The following LDLRAD3 variants were observed in gnomAD, a reference collection of about 807,000 sequenced individuals.
LDLRAD3 encodes low density lipoprotein receptor class A domain containing 3.
A neutral mutation model predicts 29.4 loss-of-function variants in LDLRAD3; 20 were observed. That is an observed-to-expected ratio of 0.68 (90% CI 0.48 to 0.99). LDLRAD3 has a LOEUF of 0.99. Ranked by LOEUF, LDLRAD3 falls within the 50% of genes least tolerant of loss-of-function variation. LDLRAD3 has a pLI of 0.00. For synonymous variants in LDLRAD3, 157 were observed against 192.7 expected, an observed-to-expected ratio of 0.81 and a Z score of 1.53; for missense variants, 420 against 454.3, an observed-to-expected ratio of 0.92 and a Z score of 0.69.
intron 4 of LDLRAD3, among the ~76,000 whole-genome samples, chr11:36,215,546 C>T (rs1855340758): frequency 6.6e-6 from 1 of 152,152 alleles, no homozygotes; most frequent in South Asian, 2.1e-4. Context: ...TTGTGCTCCC[C>T]TTTCGGGCAT....
At chr11:36,111,390 G>T (rs557095599) in intron 4 of LDLRAD3, among the ~76,000 whole-genome samples, 1 of 151,976 alleles carries the variant, frequency 6.6e-6, no homozygotes, top group Non-Finnish European at 1.5e-5. Flanking sequence ...ACTTACCTGG[G>T]TTATTCAATC....
chr11:35,977,680 A>G (rs1384862394), intron 1 of LDLRAD3, among the ~76,000 whole-genome samples: 1 of 152,146 alleles, frequency 6.6e-6, no homozygotes, highest in Non-Finnish European at 1.5e-5. Context: ...TTTATAGACA[A>G]TAGAAATTGA....
At chr11:36,214,631 A>G (rs962061624) in intron 4 of LDLRAD3, among the ~76,000 whole-genome samples, 5 of 152,144 alleles carry the variant, frequency 3.3e-5, no homozygotes, top group African/African-American at 1.2e-4. Flanking sequence ...GTTGAGTGGG[A>G]CCTGCCCTCA....
chr11:36,025,226 T>C (rs1852148207), intron 1 of LDLRAD3, among the ~76,000 whole-genome samples: 1 of 152,184 alleles, frequency 6.6e-6, no homozygotes, highest in South Asian at 2.1e-4. Context: ...CATAGGGTTT[T>C]TTTTCCTAAA....
At chr11:36,081,275 A>G (rs190490061) in intron 2 of LDLRAD3, among the ~76,000 whole-genome samples, 28 of 151,966 alleles carry the variant, frequency 1.8e-4, no homozygotes, top group African/African-American at 6.5e-4. Context: ...TACTTACTGA[A>G]TGTTGATTAC....
intron 2 of LDLRAD3, among the ~76,000 whole-genome samples, chr11:36,059,776 TTTTTG>T (rs1331084427): frequency 6.6e-6 from 1 of 151,194 alleles, no homozygotes; most frequent in African/African-American, 2.5e-5. Flanking sequence ...CCTGATTTGT[TTTTTG>T]TTTTTTCTTT....
At chr11:36,060,009 G>T (rs922488325) in intron 2 of LDLRAD3, among the ~76,000 whole-genome samples, 23 of 152,226 alleles carry the variant, frequency 1.5e-4, no homozygotes, top group African/African-American at 5.1e-4. Context: ...TGCGAGATGG[G>T]TATCATGATT....
intron 1 of LDLRAD3, among the ~76,000 whole-genome samples, chr11:35,977,339 C>T (rs1420339741): frequency 2.0e-5 from 3 of 152,236 alleles, no homozygotes; most frequent in East Asian, 3.9e-4. Flanking sequence ...TCCCATTGGC[C>T]AAAACGCAGC....
intron 4 of LDLRAD3, chr11:36,163,173 A>G (rs1325770866): frequency 6.6e-6 from 1 of 152,300 alleles, no homozygotes; most frequent in Non-Finnish European, 1.5e-5. Context: ...GGCTGAAGAT[A>G]AGCAGTTTTG....
chr11:35,995,388 G>A (rs111376251), intron 1 of LDLRAD3, among the ~76,000 whole-genome samples: 2,497 of 152,316 alleles, frequency 0.016, 60 homozygotes, highest in East Asian at 0.12. Context: ...TCAACAGTGT[G>A]CTTAAAATAT....
chr11:36,063,143 A>T (rs1190425197), intron 2 of LDLRAD3, among the ~76,000 whole-genome samples: 1 of 152,182 alleles, frequency 6.6e-6, no homozygotes, highest in Non-Finnish European at 1.5e-5. Context: ...ACTTAAGACC[A>T]GAAGGGTTAT....
chr11:35,951,658 T>G (rs978681167), intron 1 of LDLRAD3, among the ~76,000 whole-genome samples: 1 of 152,254 alleles, frequency 6.6e-6, no homozygotes, highest in Non-Finnish European at 1.5e-5. Context: ...TGCTTCACTA[T>G]TATCAAATTC....
chr11:36,018,862 T>C (rs1403755876), intron 1 of LDLRAD3, among the ~76,000 whole-genome samples: 1 of 152,236 alleles, frequency 6.6e-6, no homozygotes, highest in Non-Finnish European at 1.5e-5. Flanking sequence ...TTATTAGCCA[T>C]GTTTATTTTT....
At chr11:36,194,871 G>T (rs1855008536) in intron 4 of LDLRAD3, among the ~76,000 whole-genome samples, 1 of 152,216 alleles carries the variant, frequency 6.6e-6, no homozygotes. Flanking sequence ...TACTAAGACA[G>T]ATGTGGTCCC....
intron 4 of LDLRAD3, among the ~76,000 whole-genome samples, chr11:36,177,102 A>G (rs1476692073): frequency 6.6e-6 from 1 of 151,404 alleles, no homozygotes; most frequent in Non-Finnish European, 1.5e-5. Flanking sequence ...GTTTGATTCT[A>G]TTGTTGAAAA....
At chr11:36,046,112 C>T (rs1432765283) in intron 2 of LDLRAD3, among the ~76,000 whole-genome samples, 1 of 152,114 alleles carries the variant, frequency 6.6e-6, no homozygotes, top group Non-Finnish European at 1.5e-5. Flanking sequence ...TGGCTTCCAG[C>T]TTCATCCATG....
chr11:35,970,682 C>A (rs1361343038), intron 1 of LDLRAD3, among the ~76,000 whole-genome samples: 2 of 152,186 alleles, frequency 1.3e-5, no homozygotes, highest in African/African-American at 2.4e-5. Context: ...TGCCCCAGGT[C>A]ACTCAGTTCA....
intron 2 of LDLRAD3, among the ~76,000 whole-genome samples, chr11:36,077,155 G>C (rs1235842455): frequency 6.6e-6 from 1 of 152,096 alleles, no homozygotes; most frequent in East Asian, 1.9e-4. Flanking sequence ...TTCTCATCCT[G>C]TTATCTTGTC....
intron 1 of LDLRAD3, among the ~76,000 whole-genome samples, chr11:35,996,611 G>A (rs1339496874): frequency 6.6e-6 from 1 of 152,130 alleles, no homozygotes; most frequent in East Asian, 1.9e-4. Flanking sequence ...TACTTATGAA[G>A]CTCAATAAAG....
Sources: gnomAD v4.1 joint callset for allele counts (sites outside exome capture counted in the v4.1 genomes callset) on GRCh38, gnomAD v4.1.1 for gene constraint, MANE v1.5 for transcripts, NCBI Gene and HGNC (gene_info 2026-07-23, HGNC 2026-07-21) for gene names.